Variants in CAMTA1 observed in about 807,000 individuals in gnomAD.
CAMTA1 encodes calmodulin-binding transcription activator 1.
Under a neutral mutation model 170.9 loss-of-function variants are expected in CAMTA1, and 27 were observed. The ratio of observed to expected loss-of-function variants is 0.16; its 90% confidence interval spans 0.12 to 0.22. The LOEUF (loss-of-function observed/expected upper bound fraction) is 0.22, where lower values mean the gene tolerates loss of function less well. Ranked by LOEUF, CAMTA1 falls within the 10% of genes least tolerant of loss-of-function variation. The probability of loss-of-function intolerance (pLI) is 1.00; values close to 1 mark genes in which losing one functional copy is unlikely to be tolerated. For missense variants in CAMTA1, 1,619 were observed against 2,217.2 expected (o/e 0.73, Z 5.42); for synonymous variants, 833 against 891.5 (o/e 0.93, Z 1.17).
In CAMTA1 at chr1:7,293,355, ACT is replaced by A. The variant is rs2149512765; in HGVS notation, c.438+43730_438+43731del. ...GAATCATTCCTTCCTGCACCTGGAC[ACT>A]GTTTCAGGGCTGGCATTTCTCTGGC... On this transcript the variant is annotated intron_variant, in intron 5 of 22. Transcript: ENST00000303635. The surrounding 1 kb of genome is among the most constrained non-coding windows in gnomAD (Gnocchi z 4.1). 6.6e-6 allele frequency among the ~76,000 whole-genome samples: 1 copy of A among 152,230 alleles called. No homozygotes were observed. Among genetic ancestry groups the A allele is most frequent in the African/African-American group, 2.4e-5 (1 of 41,546 alleles).
chr1:7,324,336 C>T (rs985552049), intron 5 of CAMTA1, among the ~76,000 whole-genome samples: 4 of 152,008 alleles, frequency 2.6e-5, no homozygotes, highest in African/African-American at 9.7e-5. Flanking sequence ...TTATTTTAAA[C>T]ATTTCATTTC....
chr1:7,102,436 T>G (rs1642855027), intron 4 of CAMTA1, among the ~76,000 whole-genome samples: 1 of 151,850 alleles, frequency 6.6e-6, no homozygotes, highest in Admixed American at 6.6e-5. Flanking sequence ...AGGATCTGAG[T>G]TTTTTATTTT....
At position 7,627,441 on chromosome 1, in the gene CAMTA1, A is replaced by C. The variant is rs72867161; in HGVS notation, c.511-12959A>C. Among the ~76,000 whole-genome samples, 703 of 152,346 alleles carry C rather than the reference A, an allele frequency of 4.6e-3. 4 individuals carry two copies. The highest frequency in any genetic ancestry group is 0.016 in the African/African-American group (656 of 41,576). On this transcript the variant is annotated intron_variant, in intron 6 of 22. Coordinates refer to ENST00000303635, the MANE Select transcript of CAMTA1 (RefSeq NM_015215.4). Reference sequence around the variant, plus strand: ...TGACATAACACTGGTTAGAGAGGTCAGTCAGAATAATACCTGGCCCTTCTG... The same window carrying C: ...TGACATAACACTGGTTAGAGAGGTCCGTCAGAATAATACCTGGCCCTTCTG...
intron 4 of CAMTA1, among the ~76,000 whole-genome samples, chr1:7,168,932 A>G (rs1649057607): frequency 6.6e-6 from 1 of 152,202 alleles, no homozygotes; most frequent in Non-Finnish European, 1.5e-5. Context: ...TGGTTGGTAT[A>G]GTATAAACTC....
At chr1:7,395,836 A>G (rs1056635247) in intron 5 of CAMTA1, among the ~76,000 whole-genome samples, 1 of 152,042 alleles carries the variant, frequency 6.6e-6, no homozygotes, top group South Asian at 2.1e-4. Flanking sequence ...TTTGGTAGCT[A>G]TGGTAAATGG....
intron 6 of CAMTA1, among the ~76,000 whole-genome samples, chr1:7,486,809 A>C (rs1240433854): frequency 2.6e-5 from 4 of 152,114 alleles, no homozygotes; most frequent in African/African-American, 9.7e-5. Context: ...CCATCTCCCC[A>C]AGGCAGGATC....
intron 5 of CAMTA1, among the ~76,000 whole-genome samples, chr1:7,410,673 G>C (rs74053250): frequency 0.027 from 4,153 of 152,316 alleles, 196 homozygotes; most frequent in African/African-American, 0.094. Flanking sequence ...CTCGTGACCT[G>C]AGAGTCCTTG....
intron 7 of CAMTA1, among the ~76,000 whole-genome samples, chr1:7,659,308 G>GGGGGC (rs1195026215): frequency 6.6e-6 from 1 of 152,116 alleles, no homozygotes; most frequent in African/African-American, 2.4e-5. Flanking sequence ...GCCAAAGGGG[G>GGGGGC]GTGGATCACA....
At chr1:6,883,189 C>A (rs76753801) in intron 3 of CAMTA1, among the ~76,000 whole-genome samples, 1 of 152,102 alleles carries the variant, frequency 6.6e-6, no homozygotes, top group African/African-American at 2.4e-5. Context: ...CCACCGCGCC[C>A]GGACAAGGAA....
rs549042693 is a variant in CAMTA1 at position 7,146,931 on chromosome 1, C to T, written c.302+55560C>T. On this transcript the variant is annotated intron_variant, in intron 4 of 22. Coordinates refer to ENST00000303635, the MANE Select transcript of CAMTA1 (RefSeq NM_015215.4). The surrounding 1 kb of genome is among the most constrained non-coding windows in gnomAD (Gnocchi z 4.3). ...TACACATCACACACTCAAATATACA[C>T]CATGTTCACACACATCACACATTCA... 6.6e-6 allele frequency among the ~76,000 whole-genome samples: 1 copy of T among 152,022 alleles called. No individual in the cohort carries two copies. The highest frequency in any genetic ancestry group is 1.9e-4 in the East Asian group (1 of 5,162).
chr1:6,824,779 C>A (rs930552776), intron 2 of CAMTA1, among the ~76,000 whole-genome samples: 1 of 151,964 alleles, frequency 6.6e-6, no homozygotes, highest in African/African-American at 2.4e-5. Context: ...TTTTTATGTG[C>A]TTCATCAAAA....
At chr1:7,669,956 T>G (rs887745811) in intron 9 of CAMTA1, among the ~76,000 whole-genome samples, 2 of 152,228 alleles carry the variant, frequency 1.3e-5, no homozygotes, top group African/African-American at 2.4e-5. Context: ...GCCCCGGACA[T>G]GAGGCCACCC....
At chr1:6,949,403 C>T (rs1688088955) in intron 3 of CAMTA1, among the ~76,000 whole-genome samples, 1 of 152,242 alleles carries the variant, frequency 6.6e-6, no homozygotes, top group Admixed American at 6.5e-5. Flanking sequence ...ATTCTATAGA[C>T]CCCGTGAATC....
chr1:6,994,953 G>A (rs2100505506), intron 3 of CAMTA1, among the ~76,000 whole-genome samples: 1 of 152,220 alleles, frequency 6.6e-6, no homozygotes, highest in African/African-American at 2.4e-5. Context: ...ATAGACATGA[G>A]CCATTGCACC....
intron 3 of CAMTA1, among the ~76,000 whole-genome samples, chr1:6,998,309 GTGATCCGCCCATCTC>G (rs1000112364): frequency 6.6e-6 from 1 of 152,134 alleles, no homozygotes; most frequent in African/African-American, 2.4e-5. Flanking sequence ...CTGACCTCAG[GTGATCCGCCCATCTC>G]TGAGCGCTTT....
rs1161224497 is a variant in CAMTA1 at position 7,456,289 on chromosome 1, G to A, written c.439-11541G>A. On this transcript the variant is annotated intron_variant, in intron 5 of 22. Coordinates refer to ENST00000303635, the MANE Select transcript of CAMTA1 (RefSeq NM_015215.4). The surrounding 1 kb of genome is among the most constrained non-coding windows in gnomAD (Gnocchi z 4.9). ...GGCAGGGAGGCAAGAAGAATGGGAGGGAGGAAGGACAGGGAGCGGGAAGGA... is the reference window on the plus strand; with the variant it reads ...GGCAGGGAGGCAAGAAGAATGGGAGAGAGGAAGGACAGGGAGCGGGAAGGA... Among the ~76,000 whole-genome samples, 1 of 151,698 alleles carries A rather than the reference G, an allele frequency of 6.6e-6. No homozygotes were observed. The highest frequency in any genetic ancestry group is 2.4e-5 in the African/African-American group (1 of 41,278).
chr1:7,454,270 T>C (rs1164888694), intron 5 of CAMTA1, among the ~76,000 whole-genome samples: 1 of 152,008 alleles, frequency 6.6e-6, no homozygotes, highest in Non-Finnish European at 1.5e-5. Flanking sequence ...GCCTGAGCCA[T>C]GGGGAGCTAT....
intron 4 of CAMTA1, among the ~76,000 whole-genome samples, chr1:7,176,611 G>T (rs918912084): frequency 1.3e-5 from 2 of 152,186 alleles, no homozygotes; most frequent in Non-Finnish European, 2.9e-5. Context: ...TTTCCTGGTT[G>T]CCCTGGGTTA....
chr1:6,940,981 C>T (rs940189897), intron 3 of CAMTA1, among the ~76,000 whole-genome samples: 4 of 1,980 alleles, frequency 2.0e-3, no homozygotes, highest in African/African-American at 7.8e-3. Context: ...GGGATCCTTG[C>T]AGGCAAGGGG....
Sources: allele counts gnomAD v4.1 joint callset (sites outside exome capture counted in the v4.1 genomes callset), GRCh38; gene constraint gnomAD v4.1.1; non-coding constraint Gnocchi (gnomAD v3.1); transcripts MANE v1.5; gene names NCBI Gene and HGNC (gene_info 2026-07-23, HGNC 2026-07-21).